MYRFL: variants seen among roughly 807,000 people sequenced by gnomAD.
MYRFL encodes myelin regulatory factor-like protein.
In MYRFL, 88 loss-of-function variants were observed where a neutral mutation model predicts 109.4. That is an observed-to-expected ratio of 0.80 (90% CI 0.68 to 0.96). The LOEUF (loss-of-function observed/expected upper bound fraction) is 0.96. MYRFL is among the 40% of genes least tolerant of loss of function. The probability of loss-of-function intolerance (pLI) is 0.00; values close to 1 mark genes in which losing one functional copy is unlikely to be tolerated. For synonymous variants in MYRFL, 324 were observed against 320.9 expected (o/e 1.01, Z -0.10); for missense variants, 957 against 954.9 (o/e 1.00, Z -0.03).
At chr12:69,897,132 A>G (rs1299615330) in intron 9 of MYRFL, 24 bp from the exon 10 acceptor site, 1 of 1,485,578 alleles carries the variant, frequency 6.7e-7, no homozygotes, top group East Asian at 2.5e-5. Context: ...ATGCATTGGC[A>G]TTGGTCTGCT....
intron 19 of MYRFL, among the ~76,000 whole-genome samples, chr12:69,943,026 T>C (rs1490716861): frequency 1.9e-4 from 29 of 150,202 alleles, no homozygotes; most frequent in Non-Finnish European, 7.4e-5. Context: ...CTCAAGGAAA[T>C]AAAAGAGTAT....
chr12:69,947,970 T>C (rs924706550), intron 19 of MYRFL, among the ~76,000 whole-genome samples: 3 of 152,130 alleles, frequency 2.0e-5, no homozygotes, highest in African/African-American at 7.2e-5. Context: ...TCTCCAGAAG[T>C]TTCTAATTTA....
At chr12:69,896,282 C>T (rs572408349) in intron 9 of MYRFL, among the ~76,000 whole-genome samples, 99 of 152,208 alleles carry the variant, frequency 6.5e-4, no homozygotes, top group Middle Eastern at 3.4e-3. Flanking sequence ...AACTGCTTAG[C>T]CCGGTATATG....
Position 69,955,365 on chromosome 12 carries a change from CTG to C in MYRFL, c.2379_2380del (p.Gly794LysfsTer3). 1.6e-6 allele frequency: 1 copy of C among 634,966 alleles called. No homozygotes were observed. Among genetic ancestry groups the C allele is most frequent in the Non-Finnish European group, 2.8e-6 (1 of 359,728 alleles). The allele number at this position is 634,966 out of a possible 1,614,324, so 39.3% of individuals were successfully genotyped here. On this transcript the variant is annotated frameshift_variant, in exon 22 of 25. Coordinates refer to ENST00000552032, the MANE Select transcript of MYRFL (RefSeq NM_182530.3). LOFTEE classifies it high-confidence loss of function. ...TTTTATTTTCTTTCCATAATTAGAT[CTG>C]GAAATTATAATTACAATATTCCTGT...
At chr12:69,848,911 A>G (rs1008900064) in intron 1 of MYRFL, among the ~76,000 whole-genome samples, 16 of 152,166 alleles carry the variant, frequency 1.1e-4, no homozygotes, top group Middle Eastern at 3.2e-3. Context: ...TTGCTCTGTC[A>G]CCCAGGCTGG....
At chr12:69,842,113 A>G (rs948738595) in intron 1 of MYRFL, among the ~76,000 whole-genome samples, 2 of 152,178 alleles carry the variant, frequency 1.3e-5, no homozygotes, top group Non-Finnish European at 2.9e-5. Flanking sequence ...TTGGGTCTCT[A>G]ACCCTTAGCA....
At chr12:69,924,810 T>G (rs1955023098) in intron 13 of MYRFL, among the ~76,000 whole-genome samples, 2 of 152,222 alleles carry the variant, frequency 1.3e-5, no homozygotes, top group Admixed American at 6.5e-5. Flanking sequence ...GTAAGTTTTC[T>G]TGAAGCAAAC....
chr12:69,874,155 C>A (rs1221934762), intron 2 of MYRFL, among the ~76,000 whole-genome samples: 1 of 152,136 alleles, frequency 6.6e-6, no homozygotes, highest in Non-Finnish European at 1.5e-5. Flanking sequence ...TTTAAGCACT[C>A]AAATGTATTT....
At chr12:69,883,265 A>G (rs568646353) in intron 5 of MYRFL, among the ~76,000 whole-genome samples, 2 of 152,326 alleles carry the variant, frequency 1.3e-5, no homozygotes, top group South Asian at 4.1e-4. Flanking sequence ...TCCTTACCTC[A>G]TAACCACTTT....
At chr12:69,919,093 T>A (rs1954829943) in intron 13 of MYRFL, among the ~76,000 whole-genome samples, 1 of 152,162 alleles carries the variant, frequency 6.6e-6, no homozygotes, top group Non-Finnish European at 1.5e-5. Flanking sequence ...CTCAGGTGAG[T>A]GTCTAGCATA....
At chr12:69,948,948 T>G (rs1021602960) in intron 19 of MYRFL, among the ~76,000 whole-genome samples, 2 of 152,150 alleles carry the variant, frequency 1.3e-5, no homozygotes, top group Non-Finnish European at 2.9e-5. Context: ...GTTAAATTGG[T>G]CTTCCCTCTT....
intron 1 of MYRFL, among the ~76,000 whole-genome samples, chr12:69,826,175 T>C (rs974777270): frequency 1.3e-5 from 2 of 152,120 alleles, no homozygotes; most frequent in Middle Eastern, 3.2e-3. Context: ...TGAGATTCTA[T>C]GTCACTATTG....
chr12:69,847,280 GC>G (rs1038626716), intron 1 of MYRFL, among the ~76,000 whole-genome samples: 1 of 151,890 alleles, frequency 6.6e-6, no homozygotes, highest in Non-Finnish European at 1.5e-5. Flanking sequence ...GTGAAGGAGG[GC>G]ATATAGAACA....
At chr12:69,928,529 A>G (rs1955170278) in intron 15 of MYRFL, among the ~76,000 whole-genome samples, 2 of 152,214 alleles carry the variant, frequency 1.3e-5, no homozygotes, top group Admixed American at 1.3e-4. Context: ...TCCTCATGCT[A>G]TACTGTGTTG....
intron 4 of MYRFL, 118 bp from the exon 5 acceptor site, chr12:69,880,083 C>A (rs1324281053): frequency 6.7e-6 from 4 of 601,206 alleles, no homozygotes; most frequent in South Asian, 2.0e-5. Context: ...GCTCAAGGAA[C>A]CTTAACTAAT....
chr12:69,831,036 C>A (rs768183082), intron 1 of MYRFL, among the ~76,000 whole-genome samples: 3 of 152,130 alleles, frequency 2.0e-5, no homozygotes, highest in Non-Finnish European at 4.4e-5. Flanking sequence ...AGAAGAAGAT[C>A]ATTATCACTA....
intron 5 of MYRFL, among the ~76,000 whole-genome samples, chr12:69,882,467 A>C (rs1297841354): frequency 6.7e-6 from 1 of 150,008 alleles, no homozygotes; most frequent in Non-Finnish European, 1.5e-5. Context: ...GGGAAACAGC[A>C]CATTGCTAGA....
intron 1 of MYRFL, among the ~76,000 whole-genome samples, chr12:69,853,551 A>T (rs1884046748): frequency 7.1e-6 from 1 of 140,808 alleles, no homozygotes; most frequent in South Asian, 2.4e-4. Context: ...CACATCTCAG[A>T]CGACGGGCGG....
At chr12:69,890,585 T>G (rs922135443) in intron 6 of MYRFL, among the ~76,000 whole-genome samples, 7 of 152,164 alleles carry the variant, frequency 4.6e-5, no homozygotes, top group Middle Eastern at 6.8e-3. Context: ...AATACAAAAA[T>G]TAGCCGGGCG....
Sources: allele counts gnomAD v4.1 joint callset (sites outside exome capture counted in the v4.1 genomes callset), GRCh38; gene constraint gnomAD v4.1.1; transcripts MANE v1.5; gene names NCBI Gene and HGNC (gene_info 2026-07-23, HGNC 2026-07-21).